STX11: variants seen among roughly 807,000 people sequenced by gnomAD.
The protein encoded by STX11 is syntaxin-11.
A neutral mutation model predicts 19.9 loss-of-function variants in STX11; 21 were observed. The ratio of observed to expected loss-of-function variants is 1.06; its 90% CI spans 0.75 to 1.52. The LOEUF is 1.52. STX11 is among the 40% of genes most tolerant of loss of function. The pLI is 0.00. For synonymous variants in STX11, 193 were observed against 174.4 expected (o/e 1.11, Z -0.84); for missense variants, 438 against 405.9 (o/e 1.08, Z -0.68).
At chr6:144,181,421 C>T (rs1464300861) in intron 1 of STX11, among the ~76,000 whole-genome samples, 3 of 151,712 alleles carry the variant, frequency 2.0e-5, no homozygotes, top group African/African-American at 4.8e-5. Context: ...ATGGTGAAAC[C>T]CCATCTCTAC....
In STX11 at chr6:144,187,303, G is replaced by A. The variant is rs1373811032; in HGVS notation, c.676G>A (p.Glu226Lys). ...GGAGAGCCGCATCCGCGACGTACAC[G>A]AGCTCTTCTTGCAGATGGCGGTGCT... is the stretch of plus-strand genomic sequence containing the variant. ...RLESRIRDVH[E>K]LFLQMAVLVE... is the part of the protein sequence containing the mutation. The change falls in exon 2 of 2, where the codon GAG (glutamate) becomes AAG (lysine). Residue 226 changes from glutamate to lysine, a missense_variant. Physicochemically the swap from Glu to Lys is moderately conservative, Grantham distance 56. Transcript: ENST00000367568. The surrounding 1 kb of genome is among the most constrained non-coding windows in gnomAD (Gnocchi z 5.6). The A allele has an allele frequency of 1.2e-6, 2 of 1,612,278 alleles. No homozygotes were observed. The highest frequency in any genetic ancestry group is 8.5e-7 in the Non-Finnish European group (1 of 1,179,956).
chr6:144,179,019 G>A (rs1322996178), intron 1 of STX11, among the ~76,000 whole-genome samples: 1 of 152,170 alleles, frequency 6.6e-6, no homozygotes, highest in Admixed American at 6.6e-5. Flanking sequence ...AAAGAAAGAG[G>A]TTTAATGGAC....
rs1037915224 is a variant in STX11 at position 144,162,918 on chromosome 6, A to T, written c.-6+12215A>T. ...AAATACCTGCATTTGTTGGGAATTC[A>T]TTCACTGTGTGTAAATACCTTTTGA... On this transcript the variant is annotated intron_variant, in intron 1 of 1. Coordinates refer to ENST00000367568, the MANE Select transcript of STX11 (RefSeq NM_003764.4). This position sits in a 1 kb window ranked among gnomAD's most constrained non-coding sequence, Gnocchi z 4.6. 6.6e-6 allele frequency among the ~76,000 whole-genome samples: 1 copy of T among 152,380 alleles called. No homozygotes were observed. The highest frequency in any genetic ancestry group is 2.1e-4 in the South Asian group (1 of 4,830).
At position 144,152,135 on chromosome 6, in the gene STX11, G is replaced by T. The variant is rs1022626336; in HGVS notation, c.-6+1432G>T. ...GTGCCAATATAACTCAATATGCTGG[G>T]TCCCAGTGTATTTAAAGAGTAGACT... On this transcript the variant is annotated intron_variant, in intron 1 of 1. Coordinates refer to ENST00000367568, the MANE Select transcript of STX11 (RefSeq NM_003764.4). This position sits in a 1 kb window ranked among gnomAD's most constrained non-coding sequence, Gnocchi z 4.9. 6.6e-6 allele frequency among the ~76,000 whole-genome samples: 1 copy of T among 152,102 alleles called. No homozygotes were observed. The highest frequency in any genetic ancestry group is 1.5e-5 in the Non-Finnish European group (1 of 68,020).
chr6:144,185,434 A>G (rs1207158957), intron 1 of STX11, among the ~76,000 whole-genome samples: 2 of 152,362 alleles, frequency 1.3e-5, no homozygotes, highest in East Asian at 1.9e-4. Context: ...TATAAACACA[A>G]GATATTCCCT....
At position 144,151,379 on chromosome 6, in the gene STX11, A is replaced by G; in HGVS notation, c.-6+676A>G. On this transcript the variant is annotated intron_variant, in intron 1 of 1. Transcript: ENST00000367568. The surrounding 1 kb of genome is among the most constrained non-coding windows in gnomAD (Gnocchi z 4.6). ...CACGCACTTGTTTCAGCCGTTTCTC[A>G]GCAGAGGGAGGAGCTGTTATTTACA... is the stretch of plus-strand genomic sequence containing the variant. 2.0e-6 allele frequency: 2 copies of G among 985,438 alleles called. No homozygotes were observed. The highest frequency in any genetic ancestry group is 2.4e-6 in the Non-Finnish European group (2 of 829,940). The allele number at this position is 985,438 out of a possible 1,614,324, so 61.0% of individuals were successfully genotyped here. A position where few individuals can be genotyped will look rare whatever the true frequency, so the allele number is the denominator to read the frequency against.
intron 1 of STX11, among the ~76,000 whole-genome samples, chr6:144,161,679 T>C (rs1262950025): frequency 1.3e-5 from 2 of 152,174 alleles, no homozygotes; most frequent in Non-Finnish European, 2.9e-5. Context: ...GAAAATTTCT[T>C]AAGTTATTAA....
rs1485526654 is a variant in STX11 at position 144,186,881 on chromosome 6, A to C, written c.254A>C (p.Asp85Ala). The stretch of plus-strand genomic sequence containing the variant: ...CGGCGCCTCAGCAGCATCAAGCGCG[A>C]CACCAACTCCATCGCCAAGGCCATC... ...SMRRLSSIKR[D>A]TNSIAKAIKA... The change falls in exon 2 of 2, where the codon GAC becomes GCC. Residue 85 changes from aspartate to alanine, a missense_variant. Physicochemically the swap from Asp to Ala is moderately radical, Grantham distance 126 (BLOSUM62 -2). Transcript: ENST00000367568. The C allele has an allele frequency of 1.9e-6, 3 of 1,612,288 alleles. No individual in the cohort carries two copies.
chr6:144,161,966 G>A (rs1801353443), intron 1 of STX11, among the ~76,000 whole-genome samples: 2 of 151,952 alleles, frequency 1.3e-5, no homozygotes, highest in South Asian at 4.1e-4. Flanking sequence ...ATATAGCTCA[G>A]TGTGCTGGTA....
At position 144,186,893 on chromosome 6, in the gene STX11, T is replaced by TCGCCAAGGC; in HGVS notation, c.268_276dup (p.Ala90_Ala92dup). ...AGCATCAAGCGCGACACCAACTCCA[T>TCGCCAAGGC]CGCCAAGGCCATCAAGGCCCGGGGC... On this transcript the variant is annotated inframe_insertion, in exon 2 of 2. Coordinates refer to ENST00000367568, the MANE Select transcript of STX11 (RefSeq NM_003764.4). 6.2e-7 allele frequency: 1 copy of TCGCCAAGGC among 1,611,942 alleles called. No homozygotes were observed. Among genetic ancestry groups the TCGCCAAGGC allele is most frequent in the Non-Finnish European group, 8.5e-7 (1 of 1,179,990 alleles).
chr6:144,156,982 G>T (rs896208117), intron 1 of STX11, among the ~76,000 whole-genome samples: 3 of 152,222 alleles, frequency 2.0e-5, no homozygotes, highest in African/African-American at 7.2e-5. Context: ...CACCTGGAGA[G>T]ATTAAGTGAC....
At chr6:144,150,261 G>A (rs1217522062), upstream of STX11, among the ~76,000 whole-genome samples, 1 of 152,262 alleles carries the variant, frequency 6.6e-6, no homozygotes, top group Non-Finnish European at 1.5e-5. Context: ...GACGAGCGGA[G>A]GAAGTGTCTT....
intron 1 of STX11, among the ~76,000 whole-genome samples, chr6:144,178,380 C>G (rs1801825875): frequency 6.6e-6 from 1 of 152,202 alleles, no homozygotes. Flanking sequence ...CACTGTAGAG[C>G]AGAATGTATG....
In STX11 at chr6:144,151,607, T is replaced by G. The variant is rs1004288205; in HGVS notation, c.-6+904T>G. On this transcript the variant is annotated intron_variant, in intron 1 of 1. Transcript: ENST00000367568. The surrounding 1 kb of genome is among the most constrained non-coding windows in gnomAD (Gnocchi z 4.6). ...GTTACAACATGCCAGTAAAGGTCAC[T>G]GGGCTGATCTAAGATAACCATTGAA... Among the ~76,000 whole-genome samples the G allele has an allele frequency of 6.6e-6, 1 of 152,240 alleles. No individual in the cohort carries two copies. The highest frequency in any genetic ancestry group is 2.1e-4 in the South Asian group (1 of 4,836).
At chr6:144,147,546 C>T (rs1040904177), upstream of STX11, among the ~76,000 whole-genome samples, 1 of 152,152 alleles carries the variant, frequency 6.6e-6, no homozygotes, top group Non-Finnish European at 1.5e-5. The surrounding 1 kb of genome is among the most constrained non-coding windows in gnomAD (Gnocchi z 4.2). Context: ...CAGACATCCC[C>T]ATTCTGTCTG....
rs1250245202 is a variant in STX11 at position 144,175,472 on chromosome 6, G to A, written c.-5-11151G>A. Among the ~76,000 whole-genome samples, 3 of 151,944 alleles carry A rather than the reference G, an allele frequency of 2.0e-5. No homozygotes were observed. The highest frequency in any genetic ancestry group is 7.3e-5 in the African/African-American group (3 of 41,368). ...CAGGTATATGCCACCACGCCCAGCTGATTTTTGTATTTTCAGTAGAGATGG... is the reference window on the plus strand; with the variant it reads ...CAGGTATATGCCACCACGCCCAGCTAATTTTTGTATTTTCAGTAGAGATGG... On this transcript the variant is annotated intron_variant, in intron 1 of 1. Transcript: ENST00000367568. The surrounding 1 kb of genome is among the most constrained non-coding windows in gnomAD (Gnocchi z 5.1).
chr6:144,161,146 G>T (rs1010894593), intron 1 of STX11, among the ~76,000 whole-genome samples: 2 of 152,114 alleles, frequency 1.3e-5, no homozygotes, highest in African/African-American at 4.8e-5. Context: ...AACTGTAAAT[G>T]AGCTCCATTT....
the STX11 span, among the ~76,000 whole-genome samples, chr6:144,140,526 A>G: frequency 6.6e-6 from 1 of 151,872 alleles, no homozygotes; most frequent in Non-Finnish European, 1.5e-5. Context: ...AAGTGCTGGG[A>G]TTACAGGCAT....
At position 144,182,319 on chromosome 6, in the gene STX11, G is replaced by A. The variant is rs552970882; in HGVS notation, c.-5-4304G>A. On this transcript the variant is annotated intron_variant, in intron 1 of 1. Coordinates refer to ENST00000367568, the MANE Select transcript of STX11 (RefSeq NM_003764.4). The surrounding 1 kb of genome is among the most constrained non-coding windows in gnomAD (Gnocchi z 4.8). ...GTAGTTTTCCTAATGTTTGCTCCCT[G>A]GTGACCAGGAGACCTTCTATGTCAG... Among the ~76,000 whole-genome samples the A allele has an allele frequency of 9.2e-5, 14 of 152,232 alleles. No homozygotes were observed. The South Asian group carries it at 2.7e-3, about 29-fold the overall frequency.
Sources: allele counts gnomAD v4.1 joint callset (sites outside exome capture counted in the v4.1 genomes callset), GRCh38; gene constraint gnomAD v4.1.1; non-coding constraint Gnocchi (gnomAD v3.1); transcripts MANE v1.5; gene names NCBI Gene and HGNC (gene_info 2026-07-23, HGNC 2026-07-21).